Variants in RASSF4 observed in about 807,000 individuals in gnomAD.
RASSF4 encodes the protein ras association domain-containing protein 4.
A neutral mutation model predicts 41.1 loss-of-function variants in RASSF4; 38 were observed. The ratio of observed to expected loss-of-function variants is 0.92; its 90% CI spans 0.71 to 1.21. The LOEUF is 1.21. Among genes scored for constraint, RASSF4 ranks in the 50% most tolerant of loss-of-function variants. The pLI, the probability that RASSF4 is intolerant of heterozygous loss-of-function variation, is 0.00. For synonymous variants in RASSF4, 179 were observed against 163.4 expected (o/e 1.10, Z -0.73); for missense variants, 414 against 419.4 (o/e 0.99, Z 0.11).
chr10:44,978,024 A>G (rs1284743080), intron 3 of RASSF4: 2 of 1,607,402 alleles, frequency 1.2e-6, no homozygotes, highest in Non-Finnish European at 1.7e-6. Context: ...AGAAGCCGGG[A>G]CCTCATCACT....
At chr10:44,988,991 C>G (rs1386368154) in intron 6 of RASSF4, among the ~76,000 whole-genome samples, 1 of 152,198 alleles carries the variant, frequency 6.6e-6, no homozygotes, top group Non-Finnish European at 1.5e-5. Context: ...GATTCCCCCA[C>G]CCTTGTGAAT....
At chr10:44,992,281 C>T (rs112307684) in intron 10 of RASSF4, among the ~76,000 whole-genome samples, 2,681 of 152,350 alleles carry the variant, frequency 0.018, 81 homozygotes, top group African/African-American at 0.06. Flanking sequence ...TGCAGAACAC[C>T]TGGCAGGAAA....
intron 1 of RASSF4, among the ~76,000 whole-genome samples, chr10:44,963,037 C>T (rs870204): frequency 0.098 from 14,887 of 152,062 alleles, 1,032 homozygotes; most frequent in East Asian, 0.35. Flanking sequence ...AGAACCGCAG[C>T]GGGGAGTAAA....
intron 1 of RASSF4, among the ~76,000 whole-genome samples, chr10:44,963,394 G>A (rs1393866311): frequency 2.0e-5 from 3 of 152,198 alleles, no homozygotes; most frequent in Non-Finnish European, 4.4e-5. Context: ...TTCGGCAGAC[G>A]CTGCAACTTC....
At chr10:44,988,860 T>C (rs4245615) in intron 6 of RASSF4, among the ~76,000 whole-genome samples, 99,540 of 152,088 alleles carry the variant, frequency 0.65, 32,837 homozygotes, top group Non-Finnish European at 0.69. Flanking sequence ...TATGGTGTGA[T>C]CAGTGCCTCT....
At position 44,982,943 on chromosome 10, in the gene RASSF4, AG is replaced by A. The variant is rs1290574681; in HGVS notation, c.281+286del. 2.8e-5 allele frequency: 19 copies of A among 670,820 alleles called. No individual in the cohort carries two copies. In the East Asian group the frequency reaches 5.8e-4, roughly 20 times the overall value. The allele number at this position is 670,820 out of a possible 1,614,324, so 41.6% of individuals were successfully genotyped here. A position where few individuals can be genotyped will look rare whatever the true frequency, so the allele number is the denominator to read the frequency against. On this transcript the variant is annotated intron_variant, in intron 4 of 10. Transcript: ENST00000340258. ...CTGGCAAGAAGGGACGACTACAGCCAGGGGGGCTCCCAACACCTATGCAAGC... is the reference window on the plus strand; with the variant it reads ...CTGGCAAGAAGGGACGACTACAGCCAGGGGGCTCCCAACACCTATGCAAGC...
chr10:44,968,853 G>A (rs1456401268), intron 1 of RASSF4, among the ~76,000 whole-genome samples: 1 of 152,198 alleles, frequency 6.6e-6, no homozygotes, highest in Non-Finnish European at 1.5e-5. Flanking sequence ...GCAGGATGTG[G>A]TGTGGCCCCA....
rs200905503 is a variant in RASSF4 at position 44,989,293 on chromosome 10, C to A, written c.551C>A (p.Ala184Asp). 244 of 1,613,266 alleles carry A rather than the reference C, an allele frequency of 1.5e-4. No homozygotes were observed. The highest frequency in any genetic ancestry group is 2.0e-4 in the Non-Finnish European group (232 of 1,179,330). ...YNHKTSVFTP[A>D]YGSVTNVRVN... ...GTACAGACCTCCGTGTTTACTCCAG[C>A]CTATGGATCCGTGACCAATGTGAGG... Residue 184 changes from alanine (A) to aspartate (D), a missense_variant, in exon 7 of 11, where the codon GCC becomes GAC. Coordinates refer to ENST00000340258, the MANE Select transcript of RASSF4 (RefSeq NM_032023.4).
intron 6 of RASSF4, 136 bp downstream of exon 6, chr10:44,985,106 A>C (rs980693154): frequency 4.5e-6 from 4 of 882,880 alleles, no homozygotes; most frequent in Non-Finnish European, 7.0e-6. Flanking sequence ...TTGCATCCAC[A>C]TAACAGCCCC....
At chr10:44,979,683 C>T (rs571527921) in intron 3 of RASSF4, among the ~76,000 whole-genome samples, 3 of 152,162 alleles carry the variant, frequency 2.0e-5, no homozygotes, top group South Asian at 2.1e-4. Context: ...GAGGGCGCGC[C>T]GGACAGACAT....
At chr10:44,992,762 C>CA in intron 10 of RASSF4, among the ~76,000 whole-genome samples, 1 of 152,318 alleles carries the variant, frequency 6.6e-6, no homozygotes, top group Middle Eastern at 3.4e-3. Context: ...ACATCCTCCA[C>CA]AGGCTCCTGT....
At chr10:44,977,599 G>A in intron 3 of RASSF4, 3 of 1,613,362 alleles carry the variant, frequency 1.9e-6, no homozygotes, top group Non-Finnish European at 2.5e-6. Flanking sequence ...GGGCCCCCAT[G>A]GGCTTGCTGC....
intron 4 of RASSF4, chr10:44,983,313 A>C: frequency 9.0e-6 from 2 of 222,284 alleles, no homozygotes; most frequent in Non-Finnish European, 9.1e-6. Context: ...AGCACCCACC[A>C]CCCTGACAGC....
At chr10:44,989,771 G>T (rs1332818230) in intron 8 of RASSF4, 50 bp downstream of exon 8, 5 of 1,518,626 alleles carry the variant, frequency 3.3e-6, no homozygotes, top group Non-Finnish European at 4.6e-6. Flanking sequence ...GTCTCTACCT[G>T]TTCAGCAAGC....
At chr10:44,968,369 G>A (rs984154270) in intron 1 of RASSF4, among the ~76,000 whole-genome samples, 1 of 152,184 alleles carries the variant, frequency 6.6e-6, no homozygotes, top group African/African-American at 2.4e-5. Flanking sequence ...CAAGAAAAAT[G>A]CAGCAATAAG....
intron 5 of RASSF4, chr10:44,984,603 G>A: frequency 1.6e-6 from 1 of 614,552 alleles, no homozygotes. Context: ...ATGGCCATGT[G>A]ACATTGTGAC....
At chr10:44,962,609 G>A (rs1419053539) in intron 1 of RASSF4, among the ~76,000 whole-genome samples, 1 of 152,226 alleles carries the variant, frequency 6.6e-6, no homozygotes, top group Non-Finnish European at 1.5e-5. Flanking sequence ...ACCCAGAGGG[G>A]TCTGCCCCTC....
At position 44,993,592 on chromosome 10, in the gene RASSF4, C is replaced by G. The variant is rs1014419596; in HGVS notation, c.*263C>G. ...TCTGTGTGGCCAGCCCTGTCCACAC[C>G]ATGCCTCTCCTGCACTGGAGAGCAG... On this transcript the variant is annotated 3_prime_UTR_variant, in exon 11 of 11. Transcript: ENST00000340258. The G allele has an allele frequency of 3.9e-6, 2 of 512,954 alleles. No individual in the cohort carries two copies. The highest frequency in any genetic ancestry group is 3.8e-5 in the African/African-American group (2 of 52,458). 31.8% of individuals were successfully genotyped at this position (512,954 alleles called of 1,614,324 possible). A position where few individuals can be genotyped will look rare whatever the true frequency, so the allele number is the denominator to read the frequency against.
chr10:44,968,670 C>T (rs4948937), intron 1 of RASSF4, among the ~76,000 whole-genome samples: 1 of 152,168 alleles, frequency 6.6e-6, no homozygotes, highest in South Asian at 2.1e-4. Flanking sequence ...GCCTGAGGAG[C>T]TGGGCATTCT....
Sources: allele counts gnomAD v4.1 joint callset (sites outside exome capture counted in the v4.1 genomes callset), GRCh38; gene constraint gnomAD v4.1.1; transcripts MANE v1.5; gene names NCBI Gene and HGNC (gene_info 2026-07-23, HGNC 2026-07-21).